GOLGA5: variants seen among roughly 807,000 people sequenced by gnomAD.
The protein encoded by GOLGA5 is golgin A5.
In GOLGA5, 50 loss-of-function variants were observed where a neutral mutation model predicts 93.5. The observed-to-expected ratio is 0.53, with a 90% confidence interval of 0.43 to 0.68. GOLGA5 has a LOEUF of 0.68. GOLGA5 is among the 30% of genes least tolerant of loss of function. The pLI, the probability that GOLGA5 is intolerant of heterozygous loss-of-function variation, is 0.00. For synonymous variants in GOLGA5, 312 were observed against 304.5 expected (o/e 1.02, Z -0.26); for missense variants, 760 against 856.4 (o/e 0.89, Z 1.40).
Position 92,811,733 on chromosome 14 carries a change from A to G in GOLGA5, c.1299A>G (p.Gln433=), listed in dbSNP as rs1267733952. 6.2e-7 allele frequency: 1 copy of G among 1,611,254 alleles called. No individual in the cohort carries two copies. Among genetic ancestry groups the G allele is most frequent in the East Asian group, 2.2e-5 (1 of 44,864 alleles). ...AGCAGGAATTAATTGACTACAAGCAAAAAGCTACTAGAATACTGCAAGTAA... is the reference window on the plus strand; with the variant it reads ...AGCAGGAATTAATTGACTACAAGCAGAAAGCTACTAGAATACTGCAAGTAA... ...SSKQELIDYK[Q]KATRILQSKE... is the part of the protein sequence containing the mutation. The change falls in exon 6 of 13, where the codon CAA becomes CAG. Residue 433 remains glutamine, a synonymous_variant. Coordinates refer to ENST00000163416, the MANE Select transcript of GOLGA5 (RefSeq NM_005113.4).
chr14:92,813,345 C>T (rs960996344), intron 6 of GOLGA5, among the ~76,000 whole-genome samples: 4 of 152,114 alleles, frequency 2.6e-5, no homozygotes, highest in Non-Finnish European at 4.4e-5. Flanking sequence ...AGATAATTGA[C>T]GTAATAAGGT....
rs138230836 is a variant in GOLGA5 at position 92,835,608 on chromosome 14, T to C, written c.1995T>C (p.Asn665=). The change falls in exon 11 of 13, where the codon AAT becomes AAC. Residue 665 remains asparagine, a synonymous_variant. Transcript: ENST00000163416. ...VPVLFNDTET[N]LAGMYGKVRK... is the part of the protein sequence containing the mutation. ...TTCTTTTTAATGACACAGAAACTAATCTGGCAGGAATGTACGGAAAAGTTC... is the reference window on the plus strand; with the variant it reads ...TTCTTTTTAATGACACAGAAACTAACCTGGCAGGAATGTACGGAAAAGTTC... 1 of 1,613,852 alleles carries C rather than the reference T, an allele frequency of 6.2e-7. No homozygotes were observed. Among genetic ancestry groups the C allele is most frequent in the African/African-American group, 1.3e-5 (1 of 75,074 alleles).
Position 92,810,372 on chromosome 14 carries a change from A to G in GOLGA5, c.1111A>G (p.Met371Val), listed in dbSNP as rs557151106. The G allele has an allele frequency of 1.9e-6, 3 of 1,573,534 alleles. No individual in the cohort carries two copies. Among genetic ancestry groups the G allele is most frequent in the African/African-American group, 1.4e-5 (1 of 72,666 alleles). ...LKREQESYKQ[M>V]QSEFAARLNK... is the part of the protein sequence containing the mutation. The stretch of plus-strand genomic sequence containing the variant: ...GAGAGAGCAGGAGAGCTATAAACAG[A>G]TGCAGGTTAGAATGAGAGACAGCAG... The change falls in exon 5 of 13, where the codon ATG becomes GTG. Residue 371 changes from methionine to valine, a missense_variant. Transcript: ENST00000163416.
Position 92,815,767 on chromosome 14 carries a change from G to A in GOLGA5, c.1321-484G>A, listed in dbSNP as rs370357272. Among the ~76,000 whole-genome samples, 21 of 141,762 alleles carry A rather than the reference G, an allele frequency of 1.5e-4. No homozygotes were observed. In the East Asian group the frequency reaches 1.6e-3, roughly 11 times the overall value. The allele number at this position is 141,762 out of a possible 152,430, so 93.0% of individuals were successfully genotyped here. On this transcript the variant is annotated intron_variant, in intron 6 of 12. Coordinates refer to ENST00000163416, the MANE Select transcript of GOLGA5 (RefSeq NM_005113.4). ...CACCCAGGCTGGAGTGCGGTGGCGC[G>A]ATCTCGGCTCACTGCAAGCTCCGCC...
intron 5 of GOLGA5, among the ~76,000 whole-genome samples, 171 bp from the exon 6 acceptor site, chr14:92,811,380 C>A (rs1407353340): frequency 1.3e-5 from 2 of 152,178 alleles, no homozygotes; most frequent in African/African-American, 4.8e-5. Context: ...TTGGGAGTTA[C>A]AACTTTACAT....
chr14:92,809,581 C>A, intron 4 of GOLGA5, 62 bp downstream of exon 4: 1 of 993,672 alleles, frequency 1.0e-6, no homozygotes, highest in East Asian at 2.6e-5. Context: ...GTAGTGTATC[C>A]ACTTATGAAA....
intron 2 of GOLGA5, among the ~76,000 whole-genome samples, chr14:92,804,165 A>C (rs554582834): frequency 6.6e-6 from 1 of 152,226 alleles, no homozygotes; most frequent in South Asian, 2.1e-4. Context: ...ACTGCCTTAG[A>C]TATCATCCCA....
In GOLGA5 at chr14:92,820,406, G is replaced by A. The variant is rs1885292884; in HGVS notation, c.1620+570G>A. ...CATGTCTCGCCTCCAGTCACAGGGC[G>A]GTTTTTCTCCTATCTCAGAATAGAA... is the stretch of plus-strand genomic sequence containing the variant. On this transcript the variant is annotated intron_variant, in intron 8 of 12. Transcript: ENST00000163416. 3.3e-5 allele frequency among the ~76,000 whole-genome samples: 5 copies of A among 152,188 alleles called. 1 individual carries two copies. The highest frequency in any genetic ancestry group is 4.1e-4 in the South Asian group (2 of 4,830).
intron 2 of GOLGA5, among the ~76,000 whole-genome samples, chr14:92,804,740 C>T (rs573084424): frequency 2.7e-5 from 4 of 147,702 alleles, no homozygotes; most frequent in Admixed American, 2.7e-4. Context: ...ATTGCAACCT[C>T]TGCCTCCCAG....
intron 8 of GOLGA5, among the ~76,000 whole-genome samples, chr14:92,823,262 G>A (rs1024854185): frequency 6.6e-6 from 1 of 151,826 alleles, no homozygotes; most frequent in African/African-American, 2.4e-5. Flanking sequence ...AATTCTCAAG[G>A]TATCTAGATC....
rs1454446678 is a variant in GOLGA5, at chr14:92,809,513, A to G, written c.986A>G (p.Lys329Arg). 22 of 1,598,506 alleles carry G rather than the reference A, an allele frequency of 1.4e-5. No homozygotes were observed. Among genetic ancestry groups the G allele is most frequent in the Non-Finnish European group, 1.8e-5 (21 of 1,166,106 alleles). The change falls in exon 4 of 13, where the codon AAA (lysine) becomes AGA (arginine). Residue 329 changes from lysine (K) to arginine (R), a missense_variant. Coordinates refer to ENST00000163416, the MANE Select transcript of GOLGA5 (RefSeq NM_005113.4). Reference sequence around the variant, plus strand: ...GCATTAGAAGCCTTACAGAGTGAAAAATCACGGTAGGTGATTCTATGAATA... The same window carrying G: ...GCATTAGAAGCCTTACAGAGTGAAAGATCACGGTAGGTGATTCTATGAATA... ...TEALEALQSE[K>R]SRIMQDQSEG...
intron 12 of GOLGA5, among the ~76,000 whole-genome samples, chr14:92,838,996 G>A (rs924548591): frequency 1.3e-5 from 2 of 152,126 alleles, no homozygotes; most frequent in African/African-American, 4.8e-5. Context: ...CTTCTTCACC[G>A]AACATTGGTT....
chr14:92,835,538 T>C, intron 10 of GOLGA5, 21 bp from the exon 11 acceptor site: 1 of 1,491,036 alleles, frequency 6.7e-7, no homozygotes. Context: ...AGTACACTAA[T>C]TTATTTTCTT....
chr14:92,827,143 T>A (rs1406782109), intron 9 of GOLGA5, among the ~76,000 whole-genome samples: 1 of 152,220 alleles, frequency 6.6e-6, no homozygotes, highest in Non-Finnish European at 1.5e-5. Context: ...GTAAAAGACT[T>A]GAATAGACCC....
intron 7 of GOLGA5, among the ~76,000 whole-genome samples, chr14:92,818,171 A>G (rs1885247285): frequency 6.6e-6 from 1 of 152,190 alleles, no homozygotes; most frequent in South Asian, 2.1e-4. Flanking sequence ...AATGACATTG[A>G]CCCATTTTCT....
chr14:92,810,112 AGAAAG>A (rs1038308854), intron 4 of GOLGA5, 137 bp from the exon 5 acceptor site: 147 of 583,342 alleles, frequency 2.5e-4, no homozygotes, highest in Non-Finnish European at 3.9e-4. Context: ...ATGTTCCATT[AGAAAG>A]GAAAGATTTA....
chr14:92,815,950 C>A (rs1251076890), intron 6 of GOLGA5, among the ~76,000 whole-genome samples: 1 of 151,966 alleles, frequency 6.6e-6, no homozygotes, highest in Admixed American at 6.6e-5. Context: ...CGTGATCCGC[C>A]CGCCTCAGCC....
In GOLGA5 at chr14:92,811,571, T is replaced by C. The variant is rs774167940; in HGVS notation, c.1137T>C (p.Leu379=). The C allele has an allele frequency of 1.2e-6, 2 of 1,611,850 alleles. No individual in the cohort carries two copies. Among genetic ancestry groups the C allele is most frequent in the East Asian group, 4.5e-5 (2 of 44,870 alleles). ...CACAGAGCGAGTTTGCTGCACGCCT[T>C]AATAAAGTGGAAATGGAACGTCAGA... The part of the protein sequence containing the change: ...KQMQSEFAAR[L]NKVEMERQNL... The change falls in exon 6 of 13, where the codon CTT becomes CTC. Residue 379 remains leucine (L), a synonymous_variant. Coordinates refer to ENST00000163416, the MANE Select transcript of GOLGA5 (RefSeq NM_005113.4).
At chr14:92,832,283 A>G (rs1885546329) in intron 9 of GOLGA5, among the ~76,000 whole-genome samples, 1 of 152,156 alleles carries the variant, frequency 6.6e-6, no homozygotes, top group Non-Finnish European at 1.5e-5. Context: ...TCCATCTGGT[A>G]GTTATTTGTT....
Sources: gnomAD v4.1 joint callset for allele counts (sites outside exome capture counted in the v4.1 genomes callset) on GRCh38, gnomAD v4.1.1 for gene constraint, MANE v1.5 for transcripts, NCBI Gene and HGNC (gene_info 2026-07-23, HGNC 2026-07-21) for gene names.